Variants in USH2A observed in about 807,000 individuals in gnomAD.
The protein encoded by USH2A is usherin, also known as Usher syndrome 2A (autosomal recessive, mild).
In USH2A, 443 loss-of-function variants were observed where a neutral mutation model predicts 538.9. The observed-to-expected ratio is 0.82, with a 90% confidence interval of 0.76 to 0.89. The LOEUF (loss-of-function observed/expected upper bound fraction) is 0.89, where lower values mean the gene tolerates loss of function less well. Among genes scored for constraint, USH2A ranks in the 40% least tolerant of loss-of-function variants. The pLI, the probability that USH2A is intolerant of heterozygous loss-of-function variation, is 0.00. For synonymous variants in USH2A, 2,413 were observed against 2,273.5 expected (o/e 1.06, Z -1.75); for missense variants, 6,633 against 6,324.8 (o/e 1.05, Z -1.65).
At chr1:216,105,369 T>C (rs2032706100) in intron 21 of USH2A, among the ~76,000 whole-genome samples, 1 of 151,910 alleles carries the variant, frequency 6.6e-6, no homozygotes, top group African/African-American at 2.4e-5. Flanking sequence ...TTGTTTTTTT[T>C]TGACTCCTAT....
chr1:216,089,754 A>G (rs2032248578), intron 22 of USH2A, among the ~76,000 whole-genome samples: 1 of 151,964 alleles, frequency 6.6e-6, no homozygotes. Context: ...ACATGTTCCT[A>G]AGTGATAAGA....
chr1:215,811,717 A>C (rs1662690793), intron 49 of USH2A, among the ~76,000 whole-genome samples: 1 of 151,654 alleles, frequency 6.6e-6, no homozygotes, highest in South Asian at 2.1e-4. Flanking sequence ...GACCACCCTG[A>C]CCAACATGGA....
At chr1:216,069,338 C>A (rs114740872) in intron 30 of USH2A, among the ~76,000 whole-genome samples, 1 of 152,164 alleles carries the variant, frequency 6.6e-6, no homozygotes, top group African/African-American at 2.4e-5. Context: ...AGGGAATTGA[C>A]CAACAGGTTT....
At chr1:215,943,329 C>T (rs893594524) in intron 37 of USH2A, among the ~76,000 whole-genome samples, 4 of 151,736 alleles carry the variant, frequency 2.6e-5, no homozygotes, top group African/African-American at 9.7e-5. Context: ...TTAAAAAATG[C>T]AGTAAGTATT....
chr1:216,156,919 G>A (rs2033957093), intron 21 of USH2A, among the ~76,000 whole-genome samples: 1 of 151,414 alleles, frequency 6.6e-6, no homozygotes, highest in Non-Finnish European at 1.5e-5. Flanking sequence ...CTGTTGCCAG[G>A]CTGGAGTGCA....
chr1:215,986,214 C>T (rs900845552), intron 35 of USH2A, among the ~76,000 whole-genome samples: 5 of 151,828 alleles, frequency 3.3e-5, no homozygotes, highest in South Asian at 2.1e-4. Flanking sequence ...CTGCCTCCCA[C>T]GTTCAAGCGA....
At chr1:216,041,028 A>C (rs1366245352) in intron 32 of USH2A, among the ~76,000 whole-genome samples, 1 of 152,064 alleles carries the variant, frequency 6.6e-6, no homozygotes, top group Non-Finnish European at 1.5e-5. Context: ...TTTTCATATT[A>C]TTAGTAATAC....
intron 14 of USH2A, among the ~76,000 whole-genome samples, chr1:216,225,639 C>G (rs1285334202): frequency 1.3e-5 from 2 of 152,200 alleles, no homozygotes; most frequent in African/African-American, 4.8e-5. Context: ...TAGACTCATT[C>G]TACTCAACAA....
intron 38 of USH2A, among the ~76,000 whole-genome samples, chr1:215,908,949 T>C (rs911442539): frequency 8.6e-5 from 13 of 150,326 alleles, no homozygotes; most frequent in African/African-American, 3.2e-4. Flanking sequence ...CCCATCAAAA[T>C]GAGTATTTTA....
chr1:215,992,427 A>G (rs1668022856), intron 35 of USH2A, among the ~76,000 whole-genome samples: 1 of 152,220 alleles, frequency 6.6e-6, no homozygotes, highest in African/African-American at 2.4e-5. Flanking sequence ...AGCTTAATTC[A>G]CTAAACTGTA....
rs550405825 is a variant in USH2A at position 215,713,255 on chromosome 1, C to A, written c.12066+14775G>T. On this transcript the variant is annotated intron_variant, in intron 61 of 71. Transcript: ENST00000307340. ...CTTACTCACCACTATTTACTGAGTGCCGTCTCAGTTCCTGCGACTCTAAGA... is the reference window on the plus strand; with the variant it reads ...CTTACTCACCACTATTTACTGAGTGACGTCTCAGTTCCTGCGACTCTAAGA... 2.0e-4 allele frequency among the ~76,000 whole-genome samples: 30 copies of A among 152,284 alleles called. 1 individual carries two copies. Among genetic ancestry groups the A allele is most frequent in the Non-Finnish European group, 3.5e-4 (24 of 68,030 alleles).
intron 4 of USH2A, among the ~76,000 whole-genome samples, chr1:216,350,250 T>C (rs1038212831): frequency 2.6e-5 from 4 of 152,106 alleles, no homozygotes; most frequent in African/African-American, 9.7e-5. Context: ...TGAACATGCA[T>C]GGGGACACAG....
Position 216,175,297 on chromosome 1 carries a change from A to C in USH2A, c.4582T>G (p.Cys1528Gly). ...GGGTGAGTGGAGCTGGGAAATTTACAATACCCATTTCCTATGAAACGGATT... is the reference window on the plus strand; with the variant it reads ...GGGTGAGTGGAGCTGGGAAATTTACCATACCCATTTCCTATGAAACGGATT... ...KGIRFIGNGY[C>G]KFPSSTHPVN... is the part of the protein sequence containing the mutation. Residue 1528 changes from cysteine (C) to glycine (G), a missense_variant, in exon 21 of 72, where the codon TGT becomes GGT. Cys to Gly is a radical substitution (Grantham distance 159). Transcript: ENST00000307340. 1 of 1,613,792 alleles carries C rather than the reference A, an allele frequency of 6.2e-7. No homozygotes were observed. The highest frequency in any genetic ancestry group is 2.2e-5 in the East Asian group (1 of 44,792).
Position 216,175,261 on chromosome 1 carries a change from C to A in USH2A, c.4618G>T (p.Asp1540Tyr). 6.2e-7 allele frequency: 1 copy of A among 1,613,640 alleles called. No individual in the cohort carries two copies. Among genetic ancestry groups the A allele is most frequent in the South Asian group, 1.1e-5 (1 of 91,070 alleles). Reference sequence around the variant, plus strand: ...TGTCAAACACACTTACCAGTGAAGTCTGTATTGACTGGGTGAGTGGAGCTG... The same window carrying A: ...TGTCAAACACACTTACCAGTGAAGTATGTATTGACTGGGTGAGTGGAGCTG... ...FPSSTHPVNT[D>Y]FTGIKASFRT... The change falls in exon 21 of 72, where the codon GAC becomes TAC. Residue 1540 changes from aspartate to tyrosine, a missense_variant. Asp to Tyr is a radical substitution (Grantham distance 160). Transcript: ENST00000307340.
intron 9 of USH2A, among the ~76,000 whole-genome samples, chr1:216,309,642 T>A (rs772050542): frequency 1.3e-5 from 2 of 152,132 alleles, no homozygotes; most frequent in Non-Finnish European, 2.9e-5. Context: ...GTAGGAAAGA[T>A]TCTGGTTTCT....
intron 14 of USH2A, among the ~76,000 whole-genome samples, chr1:216,229,346 C>T (rs964665762): frequency 5.3e-5 from 8 of 151,790 alleles, no homozygotes; most frequent in African/African-American, 1.4e-4. Context: ...GACAGGGTCT[C>T]GCTCTGTTGC....
chr1:215,639,055 T>C (rs1656590851), intron 69 of USH2A, 100 bp downstream of exon 69: 1 of 1,141,616 alleles, frequency 8.8e-7, no homozygotes, highest in Non-Finnish European at 1.3e-6. Flanking sequence ...GTATAGTCTA[T>C]GCTAATATAT....
intron 4 of USH2A, among the ~76,000 whole-genome samples, chr1:216,336,466 C>G (rs2102672164): frequency 6.6e-6 from 1 of 151,296 alleles, no homozygotes; most frequent in South Asian, 2.1e-4. Flanking sequence ...AAAACTATCT[C>G]TTGTACATAG....
At chr1:215,877,350 T>G (rs1000342735) in intron 43 of USH2A, among the ~76,000 whole-genome samples, 3 of 152,226 alleles carry the variant, frequency 2.0e-5, no homozygotes, top group African/African-American at 4.8e-5. Context: ...AATCAATAAC[T>G]TACAATCAAT....
Sources: allele counts gnomAD v4.1 joint callset (sites outside exome capture counted in the v4.1 genomes callset), GRCh38; gene constraint gnomAD v4.1.1; transcripts MANE v1.5; gene names NCBI Gene and HGNC (gene_info 2026-07-23, HGNC 2026-07-21).